PRH1: variants seen among roughly 807,000 people sequenced by gnomAD.
PRH1 encodes the protein salivary acidic proline-rich phosphoprotein 1/2.
In PRH1, 7 loss-of-function variants were observed where a neutral mutation model predicts 7.9. The ratio of observed to expected loss-of-function variants is 0.89; its 90% CI spans 0.50 to 1.67. The LOEUF (loss-of-function observed/expected upper bound fraction) is 1.67, where lower values mean the gene tolerates loss of function less well. PRH1 is among the 40% of genes most tolerant of loss of function. PRH1 has a pLI of 0.00. For synonymous variants in PRH1, 45 were observed against 80.8 expected (o/e 0.56, Z 2.38); for missense variants, 109 against 223.6 (o/e 0.49, Z 3.27).
At chr12:10,985,910 C>A in intron 1 of PRH1, 2 of 1,527,008 alleles carry the variant, frequency 1.3e-6, no homozygotes, top group Non-Finnish European at 8.8e-7. Flanking sequence ...AGAATACACA[C>A]ACAATGTCCC....
intron 1 of PRH1, among the ~76,000 whole-genome samples, chr12:11,073,760 A>C (rs1270735595): frequency 6.6e-6 from 1 of 152,148 alleles, no homozygotes; most frequent in Non-Finnish European, 1.5e-5. Context: ...AGCAGAATTC[A>C]AAGCTGCTAG....
At chr12:10,885,652 ACCTAGAAATTCC>A (rs1949480121), upstream of PRH1, among the ~76,000 whole-genome samples, 6 of 152,320 alleles carry the variant, frequency 3.9e-5, no homozygotes, top group South Asian at 1.0e-3. Flanking sequence ...GCTCTGTGAT[ACCTAGAAATTCC>A]CTGCTCATCA....
upstream of PRH1, among the ~76,000 whole-genome samples, chr12:10,888,048 G>A (rs1949519847): frequency 6.6e-6 from 1 of 152,164 alleles, no homozygotes; most frequent in African/African-American, 2.4e-5. Flanking sequence ...CCTTTCTGGA[G>A]TCTCTAGAGA....
rs144154431 is a variant in PRH1, at chr12:11,155,332, G to A, written n.39+16090C>T. ...CAGTATAATTCATGGGGGTGCTTAG[G>A]TGTAGCTTTTCTCACTTGAAAACCA... On this transcript the variant is annotated intron_variant and non_coding_transcript_variant, in intron 1 of 1. Transcript: ENST00000541175. 1.2e-4 allele frequency among the ~76,000 whole-genome samples: 19 copies of A among 152,280 alleles called. No individual in the cohort carries two copies. The East Asian group carries it at 3.3e-3, about 26-fold the overall frequency.
chr12:11,016,726 T>C (rs1941315973), intron 1 of PRH1, among the ~76,000 whole-genome samples: 2 of 152,226 alleles, frequency 1.3e-5, no homozygotes, highest in Admixed American at 6.5e-5. Flanking sequence ...TTGCCGTTAT[T>C]GCCTCTTCTT....
rs536457263 is a variant in PRH1 at position 11,106,131 on chromosome 12, G to A, written n.124-58943C>T. Among the ~76,000 whole-genome samples, 157 of 64,790 alleles carry A rather than the reference G, an allele frequency of 2.4e-3. 44 individuals are homozygous for A. The highest frequency in any genetic ancestry group is 5.3e-3 in the Non-Finnish European group (131 of 24,784). The allele number at this position is 64,790 out of a possible 152,430, so 42.5% of individuals were successfully genotyped here. On this transcript the variant is annotated intron_variant and non_coding_transcript_variant, in intron 1 of 4. Transcript: ENST00000541977. ...AATTTTTTGTATTTTTAGTAGAGAC[G>A]GGGTTTCACCGTGTTAGCCAGGATG...
intron 1 of PRH1, among the ~76,000 whole-genome samples, chr12:11,126,038 C>A (rs1406953632): frequency 1.3e-5 from 2 of 149,006 alleles, no homozygotes; most frequent in African/African-American, 4.9e-5. Context: ...TATGATTCTG[C>A]TTTTAAAATA....
chr12:10,973,388 G>A, intron 2 of PRH1: 1 of 318,806 alleles, frequency 3.1e-6, no homozygotes, highest in East Asian at 4.9e-5. Context: ...TCTAAGAAAT[G>A]ATCTTCAAGT....
At chr12:10,952,331 A>G (rs1184090439) in intron 2 of PRH1, among the ~76,000 whole-genome samples, 1 of 152,240 alleles carries the variant, frequency 6.6e-6, no homozygotes, top group Non-Finnish European at 1.5e-5. Flanking sequence ...ACCTGAAATG[A>G]AATCCAGCAC....
intron 1 of PRH1, among the ~76,000 whole-genome samples, chr12:11,044,696 T>C (rs981082744): frequency 1.3e-5 from 2 of 151,642 alleles, no homozygotes; most frequent in Non-Finnish European, 2.9e-5. Flanking sequence ...TATGAAAAGG[T>C]GAAAAGGTGC....
upstream of PRH1, among the ~76,000 whole-genome samples, chr12:10,886,948 C>G (rs182897755): frequency 1.0e-3 from 156 of 152,290 alleles, no homozygotes; most frequent in Non-Finnish European, 1.7e-3. Flanking sequence ...TGGTAATGTT[C>G]TTCCCCCAGC....
At chr12:11,102,393 T>G (rs1034324373) in intron 1 of PRH1, among the ~76,000 whole-genome samples, 7 of 152,130 alleles carry the variant, frequency 4.6e-5, no homozygotes, top group Non-Finnish European at 1.0e-4. Context: ...ATATGACACA[T>G]CTACAACCAT....
chr12:11,154,149 T>A (rs969095421), intron 1 of PRH1, among the ~76,000 whole-genome samples: 1 of 152,208 alleles, frequency 6.6e-6, no homozygotes, highest in Admixed American at 6.5e-5. Context: ...TCAGCCAACT[T>A]TGGCAGTTTA....
At chr12:11,170,599 T>G (rs991376554) in intron 1 of PRH1, among the ~76,000 whole-genome samples, 2 of 152,238 alleles carry the variant, frequency 1.3e-5, no homozygotes, top group Admixed American at 6.5e-5. Flanking sequence ...ATTCCAGCTC[T>G]TGGAGCCTAG....
chr12:11,151,253 C>G (rs373711165), intron 1 of PRH1, among the ~76,000 whole-genome samples: 1 of 150,604 alleles, frequency 6.6e-6, no homozygotes, highest in South Asian at 2.1e-4. Flanking sequence ...TGGCCAAAAA[C>G]AGACTGCTGG....
At chr12:10,926,923 C>G (rs868743731) in intron 2 of PRH1, among the ~76,000 whole-genome samples, 14 of 152,298 alleles carry the variant, frequency 9.2e-5, no homozygotes, top group Middle Eastern at 3.4e-3. Context: ...GTGTTGTTGA[C>G]GGCTGCCACC....
At chr12:11,147,483 T>C (rs1946899491) in intron 1 of PRH1, among the ~76,000 whole-genome samples, 1 of 152,206 alleles carries the variant, frequency 6.6e-6, no homozygotes, top group South Asian at 2.1e-4. Flanking sequence ...CCATGACACC[T>C]GGCCAAAGAA....
chr12:10,922,512 G>A (rs563161792), intron 2 of PRH1, among the ~76,000 whole-genome samples: 2 of 152,166 alleles, frequency 1.3e-5, no homozygotes, highest in South Asian at 4.1e-4. Flanking sequence ...CATGGAATCT[G>A]TTCTTTGTTA....
intron 2 of PRH1, chr12:10,938,899 G>C (rs748626893): frequency 1.9e-6 from 3 of 1,613,896 alleles, no homozygotes; most frequent in Non-Finnish European, 2.5e-6. Flanking sequence ...AAAAAGTACC[G>C]AGGCCTGTAG....
Sources: allele counts gnomAD v4.1 joint callset (sites outside exome capture counted in the v4.1 genomes callset), GRCh38; gene constraint gnomAD v4.1.1; transcripts MANE v1.5; gene names NCBI Gene and HGNC (gene_info 2026-07-23, HGNC 2026-07-21).